The following SHLD2 variants were observed in gnomAD, a reference collection of about 807,000 sequenced individuals.
SHLD2 encodes the protein shieldin complex subunit 2.
SHLD2 carries 30 observed loss-of-function variants against 73.2 expected under a neutral mutation model. That is an observed-to-expected ratio of 0.41 (90% confidence interval 0.31 to 0.56). SHLD2 has a LOEUF of 0.56. SHLD2 is among the 20% of genes least tolerant of loss of function. SHLD2 has a pLI of 0.28. For synonymous variants in SHLD2, 285 were observed against 370.1 expected (o/e 0.77, Z 2.64); for missense variants, 745 against 1,055.9 (o/e 0.71, Z 4.08).
chr10:87,111,663 A>T lies in SHLD2; in HGVS notation c.-6+14674A>T, dbSNP rs1035618002. ...CTCAAAAAAAAAAAAAAAAAAAAAG[A>T]AGTGGGGTTTCACCATGTTGCCTAG... is the stretch of plus-strand genomic sequence containing the variant. On this transcript the variant is annotated intron_variant, in intron 2 of 9. Transcript: ENST00000298786. Among the ~76,000 whole-genome samples the T allele has an allele frequency of 1.4e-4, 20 of 141,010 alleles. No homozygotes were observed. In the South Asian group the frequency reaches 2.9e-3, roughly 21 times the overall value. 92.5% of individuals were successfully genotyped at this position (141,010 alleles called of 152,430 possible).
chr10:87,097,460 CG>C (rs1295111200), intron 2 of SHLD2, among the ~76,000 whole-genome samples: 1 of 151,464 alleles, frequency 6.6e-6, no homozygotes, highest in Non-Finnish European at 1.5e-5. Flanking sequence ...GGCGTGGTGG[CG>C]GGGAGGGGGT....
At chr10:87,101,699 A>G (rs1414096597) in intron 2 of SHLD2, among the ~76,000 whole-genome samples, 1 of 152,226 alleles carries the variant, frequency 6.6e-6, no homozygotes, top group Non-Finnish European at 1.5e-5. Flanking sequence ...ACTTGAGGCC[A>G]GGAGTTTCAG....
At chr10:87,157,346 C>A (rs1240493695) in intron 3 of SHLD2, among the ~76,000 whole-genome samples, 3 of 152,164 alleles carry the variant, frequency 2.0e-5, no homozygotes, top group Non-Finnish European at 4.4e-5. Context: ...TATGTTTATA[C>A]CTCTGACACT....
At chr10:87,165,253 A>T (rs1314141277) in intron 4 of SHLD2, among the ~76,000 whole-genome samples, 1 of 152,128 alleles carries the variant, frequency 6.6e-6, no homozygotes, top group African/African-American at 2.4e-5. Context: ...TCACAATAAT[A>T]AATACTGCAC....
At chr10:87,132,199 T>C (rs898692137) in intron 2 of SHLD2, among the ~76,000 whole-genome samples, 1 of 152,218 alleles carries the variant, frequency 6.6e-6, no homozygotes, top group African/African-American at 2.4e-5. Flanking sequence ...TGAACTCATC[T>C]ATATTCTATG....
intron 2 of SHLD2, among the ~76,000 whole-genome samples, chr10:87,109,164 T>C (rs1842776508): frequency 6.6e-6 from 1 of 152,206 alleles, no homozygotes; most frequent in South Asian, 2.1e-4. Flanking sequence ...CAAGGCATGA[T>C]ATTGTATTAG....
At chr10:87,096,500 G>A (rs1305683974) in intron 1 of SHLD2, among the ~76,000 whole-genome samples, 1 of 152,100 alleles carries the variant, frequency 6.6e-6, no homozygotes, top group Non-Finnish European at 1.5e-5. Flanking sequence ...TGTAATCCCA[G>A]CACTTTGGGG....
In SHLD2 at chr10:87,171,669, A is replaced by G. The variant is rs890514623; in HGVS notation, c.1963+695A>G. 3.3e-5 allele frequency among the ~76,000 whole-genome samples: 5 copies of G among 152,194 alleles called. 1 individual carries two copies. The highest frequency in any genetic ancestry group is 4.1e-4 in the South Asian group (2 of 4,828). On this transcript the variant is annotated intron_variant, in intron 6 of 9. Transcript: ENST00000298786. ...GCTAAATTAATTTAGAGATTGATTCAGTATATTATTATTTTTTACCTGAAA... is the reference window on the plus strand; with the variant it reads ...GCTAAATTAATTTAGAGATTGATTCGGTATATTATTATTTTTTACCTGAAA...
In SHLD2 at chr10:87,151,118, C is replaced by T. The variant is rs540670560; in HGVS notation, c.-5-232C>T. 8.5e-5 allele frequency among the ~76,000 whole-genome samples: 13 copies of T among 152,206 alleles called. No individual in the cohort carries two copies. The East Asian group carries it at 1.6e-3, about 18-fold the overall frequency. On this transcript the variant is annotated intron_variant, in intron 2 of 9. Transcript: ENST00000298786. The stretch of plus-strand genomic sequence containing the variant: ...GATTACAGGTGTGAGCCACTGCGCC[C>T]GGCCTAAAGTGAGTCTTTAGGTGAA...
chr10:87,131,662 C>G (rs1844437246), intron 2 of SHLD2, among the ~76,000 whole-genome samples: 1 of 152,178 alleles, frequency 6.6e-6, no homozygotes, highest in African/African-American at 2.4e-5. Context: ...GTAAATAGTG[C>G]TGTTATGAAC....
chr10:87,185,065 G>A (rs1387398857), intron 8 of SHLD2, among the ~76,000 whole-genome samples: 1 of 152,086 alleles, frequency 6.6e-6, no homozygotes, highest in African/African-American at 2.4e-5. Context: ...ATACTCATTA[G>A]CAGTCACTCT....
At chr10:87,150,780 A>G (rs1368113560) in intron 2 of SHLD2, among the ~76,000 whole-genome samples, 1 of 151,702 alleles carries the variant, frequency 6.6e-6, no homozygotes, top group Non-Finnish European at 1.5e-5. Context: ...AACATACTAA[A>G]AACCTATTTA....
intron 9 of SHLD2, among the ~76,000 whole-genome samples, chr10:87,188,077 A>C (rs1392625503): frequency 2.6e-5 from 4 of 152,304 alleles, no homozygotes; most frequent in Middle Eastern, 3.4e-3. Context: ...CCCAAGTTGC[A>C]CAAGCTTTTG....
chr10:87,156,889 T>C (rs1846471906), intron 3 of SHLD2, among the ~76,000 whole-genome samples: 1 of 152,174 alleles, frequency 6.6e-6, no homozygotes, highest in Admixed American at 6.5e-5. Flanking sequence ...CCTGAACTCA[T>C]TAATGCTCTG....
At chr10:87,107,771 A>G (rs1441696891) in intron 2 of SHLD2, among the ~76,000 whole-genome samples, 1 of 152,158 alleles carries the variant, frequency 6.6e-6, no homozygotes, top group Admixed American at 6.6e-5. Flanking sequence ...GCAGTGGAAA[A>G]CCCAATTGGA....
At chr10:87,156,436 A>C (rs1307403225) in intron 3 of SHLD2, among the ~76,000 whole-genome samples, 1 of 152,186 alleles carries the variant, frequency 6.6e-6, no homozygotes, top group Admixed American at 6.5e-5. Context: ...ACAGTTTGCT[A>C]TTATAACTTC....
In SHLD2 at chr10:87,158,044, C is replaced by G. The variant is rs778858312; in HGVS notation, c.1526-4C>G. 11 of 1,610,462 alleles carry G rather than the reference C, an allele frequency of 6.8e-6. No individual in the cohort carries two copies. The highest frequency in any genetic ancestry group is 9.3e-6 in the Non-Finnish European group (11 of 1,178,988). ...CATGATCAGAACGTTTTTTCTCTCT[C>G]TAGATGTTGTTATTCATGAGGACCA... On this transcript the variant is annotated splice_polypyrimidine_tract_variant and splice_region_variant and intron_variant, in intron 3 of 9. Transcript: ENST00000298786.
rs1214875544 is a variant in SHLD2, at chr10:87,151,653, A to G, written c.299A>G (p.Gln100Arg). The part of the protein sequence containing the change: ...DDFVRSVSET[Q>R]NIESQKIHSS... Reference sequence around the variant, plus strand: ...TTTGTACGTTCTGTTTCTGAAACACAGAATATAGAATCCCAGAAGATTCAC... The same window carrying G: ...TTTGTACGTTCTGTTTCTGAAACACGGAATATAGAATCCCAGAAGATTCAC... Residue 100 changes from glutamine (Q) to arginine (R), a missense_variant, in exon 3 of 10, where the codon CAG (glutamine) becomes CGG (arginine). By Grantham distance (43) the Gln-to-Arg change is conservative (BLOSUM62 1). Around this residue, in one of 5 missense-constraint regions of SHLD2, gnomAD observed 280 missense variants for 353.9 expected, o/e 0.79. Transcript: ENST00000298786. The G allele has an allele frequency of 5.6e-6, 9 of 1,611,868 alleles. No homozygotes were observed. Among genetic ancestry groups the G allele is most frequent in the African/African-American group, 1.3e-5 (1 of 74,990 alleles).
chr10:87,126,057 G>A (rs1288221471), intron 2 of SHLD2, among the ~76,000 whole-genome samples: 4 of 152,096 alleles, frequency 2.6e-5, no homozygotes, highest in African/African-American at 9.7e-5. Flanking sequence ...AGCTGCATTC[G>A]AGCCAGAGGA....
Sources: gnomAD v4.1 joint callset for allele counts (sites outside exome capture counted in the v4.1 genomes callset) on GRCh38, gnomAD v4.1.1 for gene constraint, gnomAD v4.1.1 regional missense constraint, MANE v1.5 for transcripts, NCBI Gene and HGNC (gene_info 2026-07-23, HGNC 2026-07-21) for gene names.